Variants in PKIB observed in about 807,000 individuals in gnomAD.
PKIB encodes PKI-beta.
Under a neutral mutation model 4.5 loss-of-function variants are expected in PKIB, and 2 were observed. The ratio of observed to expected loss-of-function variants is 0.44; its 90% CI spans 0.18 to 1.39. The LOEUF is 1.39. Ranked by LOEUF, PKIB falls within the 40% of genes most tolerant of loss-of-function variation. The pLI is 0.27. For synonymous variants in PKIB, 38 were observed against 36.0 expected (o/e 1.06, Z -0.20); for missense variants, 94 against 92.6 (o/e 1.02, Z -0.06).
chr6:122,662,299 C>A (rs1296677756), intron 2 of PKIB, among the ~76,000 whole-genome samples: 1 of 62,842 alleles, frequency 1.6e-5, no homozygotes, highest in African/African-American at 5.2e-5. Context: ...TTCTTTCTTT[C>A]CTTGTCTCCT....
At chr6:122,477,338 TAGATATTTC>T (rs1456162901) in intron 1 of PKIB, among the ~76,000 whole-genome samples, 1 of 152,202 alleles carries the variant, frequency 6.6e-6, no homozygotes, top group Admixed American at 6.5e-5. Flanking sequence ...ATAAGTTATT[TAGATATTTC>T]AGATAAAGTG....
intron 2 of PKIB, among the ~76,000 whole-genome samples, chr6:122,669,884 C>CA (rs1777385049): frequency 6.6e-6 from 1 of 152,092 alleles, no homozygotes; most frequent in African/African-American, 2.4e-5. Flanking sequence ...TAGTTTCCGA[C>CA]ATCAGTTTGG....
At chr6:122,585,128 T>C (rs1773814074) in intron 2 of PKIB, among the ~76,000 whole-genome samples, 1 of 152,152 alleles carries the variant, frequency 6.6e-6, no homozygotes, top group Admixed American at 6.6e-5. Flanking sequence ...AGGATAGCCG[T>C]ACTCTCCAAG....
At position 122,576,689 on chromosome 6, in the gene PKIB, A is replaced by AAAAAATATATAT. The variant is rs1345822382; in HGVS notation, c.-247-9231_-247-9230insAAAATATATATA. Among the ~76,000 whole-genome samples the AAAAAATATATAT allele has an allele frequency of 2.3e-3, 80 of 34,280 alleles. 1 individual carries two copies. The highest frequency in any genetic ancestry group is 2.8e-3 in the Non-Finnish European group (59 of 21,430). The allele number at this position is 34,280 out of a possible 152,430, so 22.5% of individuals were successfully genotyped here. On this transcript the variant is annotated intron_variant, in intron 2 of 6. Coordinates refer to the PKIB transcript ENST00000392491. Reference sequence around the variant, plus strand: ...ATCTCAAAAAAAAAAAAAAAAAAAAAATATATATATATATATATATATTTT... The same window carrying AAAAAATATATAT: ...ATCTCAAAAAAAAAAAAAAAAAAAAAAAAAATATATATATATATATATATATATATATATTTT...
At chr6:122,610,678 T>C (rs530889414) in intron 1 of PKIB, 143 bp downstream of exon 1, 1 of 152,342 alleles carries the variant, frequency 6.6e-6, no homozygotes, top group African/African-American at 2.4e-5. Flanking sequence ...GGCACAAATA[T>C]GGGGGGAGTT....
chr6:122,472,262 A>G (rs567146037), intron 1 of PKIB, among the ~76,000 whole-genome samples: 3 of 152,338 alleles, frequency 2.0e-5, no homozygotes, highest in South Asian at 2.1e-4. Context: ...TTTGCAACGT[A>G]TTCCTGCAGC....
At chr6:122,661,062 T>C (rs750842075) in intron 2 of PKIB, among the ~76,000 whole-genome samples, 1 of 152,176 alleles carries the variant, frequency 6.6e-6, no homozygotes, top group Non-Finnish European at 1.5e-5. Context: ...ATTTGGGATC[T>C]GTAATCAATG....
At chr6:122,701,618 C>T in intron 3 of PKIB, 1 of 1,208,180 alleles carries the variant, frequency 8.3e-7, no homozygotes, top group Middle Eastern at 2.0e-4. Context: ...AGTTCTGTCT[C>T]AGGTACCCTT....
intron 2 of PKIB, among the ~76,000 whole-genome samples, chr6:122,528,425 A>C (rs1777159147): frequency 1.3e-5 from 2 of 152,188 alleles, no homozygotes; most frequent in South Asian, 2.1e-4. Flanking sequence ...TGGCTTAAGC[A>C]ATACAAATTC....
At chr6:122,628,603 T>C (rs1775563213) in intron 1 of PKIB, among the ~76,000 whole-genome samples, 1 of 152,228 alleles carries the variant, frequency 6.6e-6, no homozygotes, top group Non-Finnish European at 1.5e-5. Context: ...TGTGCATTAA[T>C]AGCTAGTATA....
At position 122,709,063 on chromosome 6, in the gene PKIB, G is replaced by A. The variant is rs140087162; in HGVS notation, c.-8-8724G>A. The stretch of plus-strand genomic sequence containing the variant: ...ATAGTGCCTATAAATTTATATGACT[G>A]ATATCTAAATAAATTCCATTTGTGT... On this transcript the variant is annotated intron_variant, in intron 3 of 4. Transcript: ENST00000368452. Among the ~76,000 whole-genome samples the A allele has an allele frequency of 3.0e-4, 46 of 152,276 alleles. No individual in the cohort carries two copies. The East Asian group carries it at 8.7e-3, about 29-fold the overall frequency.
chr6:122,702,040 CA>C (rs1376862277), intron 3 of PKIB, among the ~76,000 whole-genome samples: 1 of 143,754 alleles, frequency 7.0e-6, no homozygotes, highest in East Asian at 2.1e-4. Context: ...GGTAATATGA[CA>C]AAACCCTAAC....
chr6:122,642,202 T>C (rs192588441), intron 2 of PKIB, among the ~76,000 whole-genome samples: 5 of 152,368 alleles, frequency 3.3e-5, no homozygotes, highest in African/African-American at 9.6e-5. Context: ...CTTTCAGTTT[T>C]GATTATTCAT....
At chr6:122,496,906 T>G (rs1475267960) in intron 2 of PKIB, among the ~76,000 whole-genome samples, 1 of 152,168 alleles carries the variant, frequency 6.6e-6, no homozygotes, top group Non-Finnish European at 1.5e-5. Flanking sequence ...AAAATGAATG[T>G]TATTAAAGGA....
intron 2 of PKIB, among the ~76,000 whole-genome samples, chr6:122,667,016 G>A (rs941175053): frequency 6.6e-6 from 1 of 151,976 alleles, no homozygotes; most frequent in South Asian, 2.1e-4. Context: ...GAAAGTCATG[G>A]GCACTCCACA....
chr6:122,603,447 A>G (rs1185653257), intron 3 of PKIB, among the ~76,000 whole-genome samples: 3 of 152,180 alleles, frequency 2.0e-5, no homozygotes, highest in African/African-American at 7.2e-5. Flanking sequence ...AAATTCACAT[A>G]AAAGTATATT....
intron 1 of PKIB, among the ~76,000 whole-genome samples, chr6:122,611,845 GTGCCGGGTGCTGGTCAA>G (rs1402678868): frequency 1.3e-5 from 2 of 152,172 alleles, no homozygotes; most frequent in Non-Finnish European, 2.9e-5. Context: ...TCCTGTTAGT[GTGCCGGGTGCTGGTCAA>G]TGCCCCCCTA....
chr6:122,598,064 T>C (rs143747618), intron 3 of PKIB, among the ~76,000 whole-genome samples: 187 of 152,248 alleles, frequency 1.2e-3, no homozygotes, highest in African/African-American at 4.4e-3. Context: ...TGGGGAAGGA[T>C]GGGAGAAAGA....
intron 2 of PKIB, among the ~76,000 whole-genome samples, chr6:122,671,814 A>G (rs1445838231): frequency 1.3e-5 from 2 of 152,114 alleles, no homozygotes; most frequent in African/African-American, 4.8e-5. Context: ...TTCAGACCTG[A>G]TAGATTCTTC....
Sources: allele counts gnomAD v4.1 joint callset (sites outside exome capture counted in the v4.1 genomes callset), GRCh38; gene constraint gnomAD v4.1.1; transcripts MANE v1.5; gene names NCBI Gene and HGNC (gene_info 2026-07-23, HGNC 2026-07-21).